The following PLA1A variants were observed in gnomAD, a reference collection of about 807,000 sequenced individuals.
PLA1A encodes phosphatidylserine-specific phospholipase A1alpha.
PLA1A carries 47 observed loss-of-function variants against 49.4 expected under a neutral mutation model. The observed-to-expected ratio is 0.95, with a 90% CI of 0.75 to 1.21. The LOEUF is 1.21. PLA1A is among the 50% of genes most tolerant of loss of function. The pLI is 0.00. For missense variants in PLA1A, 561 were observed against 563.9 expected (o/e 0.99, Z 0.05); for synonymous variants, 224 against 207.9 (o/e 1.08, Z -0.67).
intron 2 of PLA1A, among the ~76,000 whole-genome samples, chr3:119,607,933 C>T (rs114786247): frequency 3.8e-4 from 58 of 152,298 alleles, no homozygotes; most frequent in African/African-American, 1.2e-3. Flanking sequence ...TACTGGGAGT[C>T]ATCAAAAAAC....
rs907843487 is a variant in PLA1A at position 119,616,050 on chromosome 3, T to C, written c.703T>C (p.Phe235Leu). The C allele has an allele frequency of 1.2e-6, 2 of 1,613,592 alleles. No individual in the cohort carries two copies. Among genetic ancestry groups the C allele is most frequent in the Non-Finnish European group, 1.7e-6 (2 of 1,179,536 alleles). ...GATTCCCGTTGGACATGTGGACTACTTCGTCAACGGAGGCCAAGACCAACC... is the reference window on the plus strand; with the variant it reads ...GATTCCCGTTGGACATGTGGACTACCTCGTCAACGGAGGCCAAGACCAACC... ...IRIPVGHVDY[F>L]VNGGQDQPGC... The change falls in exon 6 of 11, where the codon TTC becomes CTC. Residue 235 changes from phenylalanine to leucine, a missense_variant. Phe to Leu is a conservative substitution (Grantham distance 22). Transcript: ENST00000273371.
intron 1 of PLA1A, among the ~76,000 whole-genome samples, chr3:119,601,084 A>C (rs1341753139): frequency 6.6e-6 from 1 of 152,212 alleles, no homozygotes; most frequent in African/African-American, 2.4e-5. Flanking sequence ...TCATCTCCAC[A>C]TTTGATAACA....
intron 5 of PLA1A, among the ~76,000 whole-genome samples, chr3:119,613,752 G>T (rs2082802562): frequency 6.6e-6 from 1 of 152,166 alleles, no homozygotes; most frequent in Admixed American, 6.5e-5. Context: ...AATTAGCCGG[G>T]CGTGGTGGCG....
At chr3:119,619,169 C>G (rs1298376892) in intron 7 of PLA1A, among the ~76,000 whole-genome samples, 1 of 152,178 alleles carries the variant, frequency 6.6e-6, no homozygotes, top group Admixed American at 6.5e-5. Flanking sequence ...CCAGAATGCC[C>G]TCTCTCCACC....
In PLA1A at chr3:119,606,886, C is replaced by T. The variant is rs754052272; in HGVS notation, c.186C>T (p.Ser62=). The T allele has an allele frequency of 8.7e-6, 14 of 1,614,022 alleles. No individual in the cohort carries two copies. Among genetic ancestry groups the T allele is most frequent in the Admixed American group, 1.7e-5 (1 of 60,010 alleles). The change falls in exon 2 of 11, where the codon AGC becomes AGT. Residue 62 remains serine, a synonymous_variant. Transcript: ENST00000273371. Reference sequence around the variant, plus strand: ...TCCTCTTTGTCCCTTCGAATCCTAGCTGTGGGCAGCTAGTAGAAGGAAGCA... The same window carrying T: ...TCCTCTTTGTCCCTTCGAATCCTAGTTGTGGGCAGCTAGTAGAAGGAAGCA... ...QFLLFVPSNP[S]CGQLVEGSSD...
At chr3:119,614,928 C>T (rs559298794) in intron 5 of PLA1A, among the ~76,000 whole-genome samples, 24 of 152,040 alleles carry the variant, frequency 1.6e-4, no homozygotes, top group Non-Finnish European at 2.4e-4. Context: ...AGTAGGGGTC[C>T]GGGTGAGAGA....
At chr3:119,600,146 T>G in intron 1 of PLA1A, 2 of 507,082 alleles carry the variant, frequency 3.9e-6, no homozygotes, top group Admixed American at 3.2e-5. Context: ...AGGGAGGAGG[T>G]TCAGGAGGTA....
Position 119,625,147 on chromosome 3 carries a change from C to A in PLA1A, c.1036C>A (p.His346Asn). The A allele has an allele frequency of 6.2e-7, 1 of 1,613,346 alleles. No homozygotes were observed. The highest frequency in any genetic ancestry group is 1.1e-5 in the South Asian group (1 of 91,054). The change falls in exon 9 of 11, where the codon CAC (histidine) becomes AAC (asparagine). Residue 346 changes from histidine (H) to asparagine (N), a missense_variant. Transcript: ENST00000273371. ...YCMHHSLVEF[H>N]LKELRNKDTN... ...AGTGCATCACAGCCTCGTGGAGTTT[C>A]ACTTGAAGGAACTGAGAAACAAGGA...
chr3:119,619,348 GA>G (rs1452554683), intron 7 of PLA1A, among the ~76,000 whole-genome samples: 1 of 152,242 alleles, frequency 6.6e-6, no homozygotes, highest in Non-Finnish European at 1.5e-5. Context: ...CAGATGATCT[GA>G]AAAGCATATT....
intron 5 of PLA1A, among the ~76,000 whole-genome samples, chr3:119,615,735 C>T (rs531074912): frequency 5.3e-5 from 8 of 151,918 alleles, no homozygotes; most frequent in Admixed American, 2.6e-4. Context: ...CGCTTGAATC[C>T]GGGAGGCGGA....
intron 9 of PLA1A, among the ~76,000 whole-genome samples, chr3:119,627,236 A>G (rs2052553062): frequency 6.6e-6 from 1 of 152,170 alleles, no homozygotes; most frequent in Non-Finnish European, 1.5e-5. Flanking sequence ...AAATTGGGGG[A>G]AAAACGGGGA....
rs756660201 is a variant in PLA1A at position 119,625,231 on chromosome 3, A to G, written c.1120A>G (p.Ile374Val). The G allele has an allele frequency of 9.4e-6, 15 of 1,594,264 alleles. No individual in the cohort carries two copies. In the South Asian group the frequency reaches 1.4e-4, roughly 15 times the overall value. The change falls in exon 9 of 11, where the codon ATA (isoleucine) becomes GTA (valine). Residue 374 changes from isoleucine to valine, a missense_variant and splice_region_variant. Physicochemically the swap from Ile to Val is conservative, Grantham distance 29. Coordinates refer to ENST00000273371, the MANE Select transcript of PLA1A (RefSeq NM_015900.4). Reference sequence around the variant, plus strand: ...CATCACCTCTTCATCTAAGATCACCATGTACGTAAGTGTCCCACCTGGTTG... The same window carrying G: ...CATCACCTCTTCATCTAAGATCACCGTGTACGTAAGTGTCCCACCTGGTTG... ...SNITSSSKIT[I>V]PKQQRYGKGI... is the part of the protein sequence containing the mutation.
chr3:119,621,057 G>A (rs144215715), intron 8 of PLA1A, among the ~76,000 whole-genome samples: 47 of 152,304 alleles, frequency 3.1e-4, no homozygotes, highest in Middle Eastern at 3.4e-3. Context: ...GTTGGCATGC[G>A]GGAGGATGTT....
intron 9 of PLA1A, 103 bp downstream of exon 9, chr3:119,625,335 T>G (rs1014356493): frequency 2.7e-6 from 2 of 738,980 alleles, no homozygotes; most frequent in Non-Finnish European, 4.7e-6. Context: ...TGATTGCTGA[T>G]GCATGGGCCC....
intron 8 of PLA1A, among the ~76,000 whole-genome samples, chr3:119,620,897 C>T (rs2107796007): frequency 6.6e-6 from 1 of 152,368 alleles, no homozygotes. Flanking sequence ...GTCTCCACAG[C>T]TGGATGAAAA....
At chr3:119,610,444 A>T (rs1165169550) in intron 4 of PLA1A, among the ~76,000 whole-genome samples, 1 of 152,218 alleles carries the variant, frequency 6.6e-6, no homozygotes, top group Non-Finnish European at 1.5e-5. Flanking sequence ...TCCCACCAAC[A>T]GTGTATAAGT....
chr3:119,617,616 G>A (rs556238851), intron 6 of PLA1A, among the ~76,000 whole-genome samples: 25 of 151,888 alleles, frequency 1.6e-4, no homozygotes, highest in Non-Finnish European at 3.2e-4. Context: ...GGTGGTGTGC[G>A]CCTGTAATCC....
At chr3:119,619,724 C>G (rs2082902455) in intron 8 of PLA1A, 72 bp downstream of exon 8, 3 of 1,046,236 alleles carry the variant, frequency 2.9e-6, no homozygotes, top group Non-Finnish European at 4.5e-6. Context: ...AGTGTGGTAG[C>G]CTGGGTGGGA....
chr3:119,614,797 T>A (rs911806658), intron 5 of PLA1A, among the ~76,000 whole-genome samples: 2 of 151,726 alleles, frequency 1.3e-5, no homozygotes, highest in Non-Finnish European at 2.9e-5. Flanking sequence ...ACGTGGCAGG[T>A]ACTGAGAATA....
Sources: gnomAD v4.1 joint callset for allele counts (sites outside exome capture counted in the v4.1 genomes callset) on GRCh38, gnomAD v4.1.1 for gene constraint, MANE v1.5 for transcripts, NCBI Gene and HGNC (gene_info 2026-07-23, HGNC 2026-07-21) for gene names.